The following PDE9A variants were observed in gnomAD, a reference collection of about 807,000 sequenced individuals.
PDE9A encodes the protein high affinity cGMP-specific 3',5'-cyclic phosphodiesterase 9A.
Under a neutral mutation model 87.4 loss-of-function variants are expected in PDE9A, and 60 were observed. That is an observed-to-expected ratio of 0.69 (90% CI 0.56 to 0.85). The LOEUF is 0.85. Among genes scored for constraint, PDE9A ranks in the 40% least tolerant of loss-of-function variants. The pLI is 0.00. For synonymous variants in PDE9A, 272 were observed against 279.4 expected (o/e 0.97, Z 0.27); for missense variants, 665 against 779.0 (o/e 0.85, Z 1.74).
intron 1 of PDE9A, among the ~76,000 whole-genome samples, chr21:42,683,154 C>T (rs2059261120): frequency 6.6e-6 from 1 of 152,226 alleles, no homozygotes; most frequent in South Asian, 2.1e-4. Flanking sequence ...CCACTCAGTG[C>T]TCCGTAACTG....
chr21:42,662,501 TCACA>T (rs1377879920), intron 1 of PDE9A, among the ~76,000 whole-genome samples: 1 of 140,788 alleles, frequency 7.1e-6, no homozygotes, highest in Non-Finnish European at 1.6e-5. Context: ...CACATGCACA[TCACA>T]CACACGCACA....
Position 42,669,421 on chromosome 21 carries a change from T to G in PDE9A, c.69+15538T>G, listed in dbSNP as rs190970030. The stretch of plus-strand genomic sequence containing the variant: ...CACTGAGTTTCACTCCACATTTGAA[T>G]TGGATTAACTCATGCCATGTTAGGC... On this transcript the variant is annotated intron_variant, in intron 1 of 19. Coordinates refer to ENST00000291539, the MANE Select transcript of PDE9A (RefSeq NM_002606.3). Among the ~76,000 whole-genome samples the G allele has an allele frequency of 6.4e-3, 971 of 152,292 alleles. 10 individuals carry two copies. Among genetic ancestry groups the G allele is most frequent in the Non-Finnish European group, 8.2e-3 (557 of 68,018 alleles).
chr21:42,671,648 T>C (rs766150263), intron 1 of PDE9A, among the ~76,000 whole-genome samples: 16 of 152,192 alleles, frequency 1.1e-4, no homozygotes, highest in Non-Finnish European at 2.4e-4. Context: ...GGACAGATGA[T>C]TGATATAGAT....
At chr21:42,762,449 C>T (rs2055899321) in intron 14 of PDE9A, among the ~76,000 whole-genome samples, 1 of 152,228 alleles carries the variant, frequency 6.6e-6, no homozygotes, top group South Asian at 2.1e-4. Context: ...ACGTGCATCC[C>T]ACTGACCTGC....
chr21:42,740,087 A>G (rs1403283723), intron 7 of PDE9A, among the ~76,000 whole-genome samples: 1 of 152,236 alleles, frequency 6.6e-6, no homozygotes, highest in Non-Finnish European at 1.5e-5. Context: ...GAAGCTAGAT[A>G]GATACATACA....
At chr21:42,740,136 G>A (rs1569227496) in intron 7 of PDE9A, among the ~76,000 whole-genome samples, 1 of 152,144 alleles carries the variant, frequency 6.6e-6, no homozygotes, top group Non-Finnish European at 1.5e-5. Context: ...ATATAGATAT[G>A]TAAATAGAAA....
intron 1 of PDE9A, among the ~76,000 whole-genome samples, chr21:42,676,024 G>A (rs147530402): frequency 1.5e-3 from 233 of 152,208 alleles, no homozygotes; most frequent in African/African-American, 4.8e-3. Flanking sequence ...ATGTGTGAAG[G>A]TAGAAGGCAT....
intron 4 of PDE9A, chr21:42,700,732 C>A (rs2048321604): frequency 2.0e-5 from 3 of 152,202 alleles, no homozygotes; most frequent in African/African-American, 7.2e-5. Flanking sequence ...AAAAGATGAT[C>A]TTTTCTCCCA....
chr21:42,725,496 C>A (rs536627018), intron 4 of PDE9A, among the ~76,000 whole-genome samples: 1 of 152,296 alleles, frequency 6.6e-6, no homozygotes, highest in Non-Finnish European at 1.5e-5. Context: ...ACCTCAGCCT[C>A]CCATAGTGCT....
rs2147090051 is a variant in PDE9A at position 42,759,799 on chromosome 21, G to T, written c.898-529G>T. ...TATCTGGATGTGGGGGTGTGTGAGGGTGGATGTGTGCATGTGTGTGTGTGG... is the reference window on the plus strand; with the variant it reads ...TATCTGGATGTGGGGGTGTGTGAGGTTGGATGTGTGCATGTGTGTGTGTGG... On this transcript the variant is annotated intron_variant, in intron 11 of 19. Coordinates refer to ENST00000291539, the MANE Select transcript of PDE9A (RefSeq NM_002606.3). This position sits in a 1 kb window ranked among gnomAD's most constrained non-coding sequence, Gnocchi z 7.2. 6.7e-6 allele frequency among the ~76,000 whole-genome samples: 1 copy of T among 149,228 alleles called. No individual in the cohort carries two copies. Among genetic ancestry groups the T allele is most frequent in the African/African-American group, 2.5e-5 (1 of 40,456 alleles).
Position 42,683,204 on chromosome 21 carries a change from G to A in PDE9A, c.70-2988G>A, listed in dbSNP as rs1025873277. Among the ~76,000 whole-genome samples the A allele has an allele frequency of 2.1e-4, 32 of 152,270 alleles. 1 individual carries two copies. The East Asian group carries it at 4.6e-3, about 22-fold the overall frequency. ...CCTGGGCTGCAGCCTCATGAAGCCA[G>A]CTGTTCCTCAACTGAAAAGAGCCCT... is the stretch of plus-strand genomic sequence containing the variant. On this transcript the variant is annotated intron_variant, in intron 1 of 19. Transcript: ENST00000291539.
chr21:42,764,983 G>A (rs199782800), intron 14 of PDE9A, among the ~76,000 whole-genome samples: 2 of 118,358 alleles, frequency 1.7e-5, no homozygotes, highest in Admixed American at 7.8e-5. Flanking sequence ...GGGTGGGTGG[G>A]TGGATGGATG....
chr21:42,687,943 C>T lies in PDE9A; in HGVS notation c.167C>T (p.Thr56Ile), dbSNP rs771063811. 2 of 1,613,190 alleles carry T rather than the reference C, an allele frequency of 1.2e-6. No homozygotes were observed. Among genetic ancestry groups the T allele is most frequent in the Non-Finnish European group, 1.7e-6 (2 of 1,179,994 alleles). ...PRNTTISLLT[T>I]DDAMVSIDPT... ...AACACGACCATCTCCCTGCTGACCA[C>T]CGACGACGCCATGGTCTCCATCGAC... Residue 56 changes from threonine to isoleucine, a missense_variant, in exon 3 of 20, where the codon ACC becomes ATC. Coordinates refer to ENST00000291539, the MANE Select transcript of PDE9A (RefSeq NM_002606.3).
chr21:42,730,627 A>G (rs1175149565), intron 4 of PDE9A, among the ~76,000 whole-genome samples: 3 of 152,176 alleles, frequency 2.0e-5, no homozygotes, highest in Admixed American at 1.3e-4. Flanking sequence ...ACTCTCTATG[A>G]CTGCTTTAAA....
At position 42,660,726 on chromosome 21, in the gene PDE9A, G is replaced by A. The variant is rs1227330688; in HGVS notation, c.69+6843G>A. Among the ~76,000 whole-genome samples, 9 of 152,194 alleles carry A rather than the reference G, an allele frequency of 5.9e-5. No homozygotes were observed. In the South Asian group the frequency reaches 1.2e-3, roughly 21 times the overall value. On this transcript the variant is annotated intron_variant, in intron 1 of 19. Transcript: ENST00000291539. This position sits in a 1 kb window ranked among gnomAD's most constrained non-coding sequence, Gnocchi z 4.7. The stretch of plus-strand genomic sequence containing the variant: ...AGCGCATGCCTGTATTCCTGGCACT[G>A]CGGGCACAGTCATGCCATGGGCACC...
intron 1 of PDE9A, among the ~76,000 whole-genome samples, chr21:42,670,307 TTAGACACCACACTCACATTCA>T (rs2058396582): frequency 7.7e-6 from 1 of 130,226 alleles, no homozygotes; most frequent in African/African-American, 3.8e-5. Context: ...ACACATACAC[TTAGACACCACACTCACATTCA>T]CACACATTCA....
chr21:42,770,200 C>T (rs2056903863), intron 17 of PDE9A, among the ~76,000 whole-genome samples: 1 of 152,092 alleles, frequency 6.6e-6, no homozygotes, highest in Non-Finnish European at 1.5e-5. Context: ...TGCCTGTGGC[C>T]CCCTGCCAAG....
chr21:42,729,699 T>C (rs1049957640), intron 4 of PDE9A, among the ~76,000 whole-genome samples: 1 of 152,228 alleles, frequency 6.6e-6, no homozygotes, highest in Non-Finnish European at 1.5e-5. Context: ...TTGTGTTGTA[T>C]TTTCATTTTT....
intron 1 of PDE9A, among the ~76,000 whole-genome samples, chr21:42,670,645 TATC>T (rs1401504264): frequency 1.3e-5 from 2 of 150,078 alleles, no homozygotes; most frequent in African/African-American, 5.0e-5. Context: ...ACTTACAAAC[TATC>T]ATTCACACAC....
Sources: gnomAD v4.1 joint callset for allele counts (sites outside exome capture counted in the v4.1 genomes callset) on GRCh38, gnomAD v4.1.1 for gene constraint, Gnocchi (gnomAD v3.1) non-coding constraint, MANE v1.5 for transcripts, NCBI Gene and HGNC (gene_info 2026-07-23, HGNC 2026-07-21) for gene names.